GARS1: variants seen among roughly 807,000 people sequenced by gnomAD.
GARS1 encodes glycyl-tRNA synthetase 1, also known as glycine--tRNA ligase.
A neutral mutation model predicts 86.4 loss-of-function variants in GARS1; 46 were observed. That is an observed-to-expected ratio of 0.53 (90% CI 0.42 to 0.68). GARS1 has a LOEUF of 0.68. Among genes scored for constraint, GARS1 ranks in the 30% least tolerant of loss-of-function variants. The pLI is 0.00. For missense variants in GARS1, 797 were observed against 915.6 expected (o/e 0.87, Z 1.67); for synonymous variants, 342 against 329.8 (o/e 1.04, Z -0.40).
chr7:30,617,875 A>G (rs1038447232), intron 10 of GARS1, among the ~76,000 whole-genome samples: 2 of 152,198 alleles, frequency 1.3e-5, no homozygotes, highest in Admixed American at 6.5e-5. Context: ...GCATTTGCAT[A>G]TAGGAGATGC....
In GARS1 at chr7:30,632,455, T is replaced by G. The variant is rs1238144409; in HGVS notation, c.2094+18T>G. On this transcript the variant is annotated intron_variant, in intron 16 of 16. Transcript: ENST00000389266. This position sits in a 1 kb window ranked among gnomAD's most constrained non-coding sequence, Gnocchi z 4.1. The stretch of plus-strand genomic sequence containing the variant: ...GAGCAGAGGTATCTGGCCTTCTCTT[T>G]GGCATTTTTAGCCTTAGAAATGTGT... 6.2e-7 allele frequency: 1 copy of G among 1,613,738 alleles called. No individual in the cohort carries two copies. Among genetic ancestry groups the G allele is most frequent in the Admixed American group, 1.7e-5 (1 of 60,016 alleles).
chr7:30,630,042 A>G (rs1783205351), intron 14 of GARS1, among the ~76,000 whole-genome samples: 1 of 152,240 alleles, frequency 6.6e-6, no homozygotes, highest in Non-Finnish European at 1.5e-5. Flanking sequence ...AATTCCCATC[A>G]TGAAGAGAAA....
intron 13 of GARS1, among the ~76,000 whole-genome samples, chr7:30,626,634 A>G (rs1329911192): frequency 6.6e-6 from 1 of 152,238 alleles, no homozygotes; most frequent in African/African-American, 2.4e-5. Context: ...TACAGGCATG[A>G]GTGACCACGC....
intron 6 of GARS1, among the ~76,000 whole-genome samples, chr7:30,604,586 CCTT>C (rs1024905231): frequency 9.1e-4 from 139 of 152,192 alleles, no homozygotes; most frequent in African/African-American, 3.1e-3. Context: ...AATAATTTCT[CCTT>C]CTTCATTTAC....
At chr7:30,600,201 T>A in intron 3 of GARS1, 152 bp downstream of exon 3, 1 of 667,018 alleles carries the variant, frequency 1.5e-6, no homozygotes, top group Non-Finnish European at 2.7e-6. Context: ...GGAGTCACCA[T>A]TTGGTGTGAT....
chr7:30,595,001 G>C lies in GARS1; in HGVS notation c.80G>C (p.Arg27Pro). Reference protein sequence around the residue: ...LLLLPPRLLARPSLLLRRSLS... With the variant: ...LLLLPPRLLAPPSLLLRRSLS... ...CTGCTGCCGCCCCGGCTCTTAGCCC[G>C]ACCCTCGCTCCTGCTCCGCCGGTCC... Residue 27 changes from arginine to proline, a missense_variant, in exon 1 of 17, where the codon CGA becomes CCA. Physicochemically the swap from Arg to Pro is moderately radical, Grantham distance 103 (BLOSUM62 -2). Around this residue, in one of 2 missense-constraint regions of GARS1, gnomAD observed 199 missense variants for 176.9 expected, o/e 1.12. Transcript: ENST00000389266. The C allele has an allele frequency of 6.3e-7, 1 of 1,589,090 alleles. No homozygotes were observed. Among genetic ancestry groups the C allele is most frequent in the East Asian group, 2.3e-5 (1 of 44,338 alleles).
At chr7:30,622,914 C>A (rs1369304573) in intron 12 of GARS1, among the ~76,000 whole-genome samples, 1 of 151,970 alleles carries the variant, frequency 6.6e-6, no homozygotes, top group African/African-American at 2.4e-5. Flanking sequence ...TCCTGGCTAA[C>A]ACAGTGAAAC....
chr7:30,626,810 G>A (rs576564348), intron 13 of GARS1, among the ~76,000 whole-genome samples: 6 of 152,154 alleles, frequency 3.9e-5, no homozygotes, highest in Admixed American at 2.6e-4. Context: ...GTGAAACCCC[G>A]TCTCTACTAA....
At chr7:30,602,728 A>G (rs1791406481) in intron 4 of GARS1, among the ~76,000 whole-genome samples, 1 of 152,260 alleles carries the variant, frequency 6.6e-6, no homozygotes, top group Non-Finnish European at 1.5e-5. Context: ...TGGCATAGGC[A>G]TGGATTAATT....
chr7:30,609,497 A>C (rs913094165), intron 6 of GARS1, 88 bp from the exon 7 acceptor site: 1 of 1,072,262 alleles, frequency 9.3e-7, no homozygotes, highest in East Asian at 2.4e-5. Context: ...TGATTGTAGC[A>C]GTGGATGGCT....
rs746983441 is a variant in GARS1 at position 30,603,531 on chromosome 7, T to G, written c.694T>G (p.Ser232Ala). 1.2e-6 allele frequency: 2 copies of G among 1,613,846 alleles called. No individual in the cohort carries two copies. The highest frequency in any genetic ancestry group is 1.7e-6 in the Non-Finnish European group (2 of 1,179,982). Residue 232 changes from serine to alanine, a missense_variant, in exon 6 of 17, where the codon TCT becomes GCT. Ser to Ala is a moderately conservative substitution (Grantham distance 99). Transcript: ENST00000389266. The part of the protein sequence containing the change: ...LQKLMSDKKC[S>A]VEKKSEMESV... ...GAAATTGATGTCTGATAAGAAGTGT[T>G]CTGTCGAAAAGAAATCAGAAATGGA... is the stretch of plus-strand genomic sequence containing the variant.
chr7:30,606,756 G>A (rs11761080), intron 6 of GARS1, among the ~76,000 whole-genome samples: 74,041 of 151,996 alleles, frequency 0.49, 21,544 homozygotes, highest in Non-Finnish European at 0.65. Context: ...CTGGTACTTG[G>A]TACTTATTAG....
intron 6 of GARS1, among the ~76,000 whole-genome samples, chr7:30,604,519 A>AT (rs3840588): frequency 0.1 from 15,394 of 149,894 alleles, 862 homozygotes; most frequent in South Asian, 0.2. Context: ...TGTTGTCCTA[A>AT]TTTTTTTTTT....
rs117100393 is a variant in GARS1, at chr7:30,631,249, G to A, written c.1810-199G>A. On this transcript the variant is annotated intron_variant, in intron 14 of 16. Coordinates refer to ENST00000389266, the MANE Select transcript of GARS1 (RefSeq NM_002047.4). ...AGAGTTCATGACTTGGCCTAAATTC[G>A]GAGCTGAAACCAGGTGTTTCTGATG... 1.6e-3 allele frequency: 743 copies of A among 472,784 alleles called. 1 individual carries two copies. Among genetic ancestry groups the A allele is most frequent in the Non-Finnish European group, 1.5e-3 (380 of 257,966 alleles). 29.3% of individuals were successfully genotyped at this position (472,784 alleles called of 1,614,324 possible).
intron 13 of GARS1, chr7:30,626,959 C>T (rs540595382): frequency 6.3e-5 from 24 of 379,134 alleles, no homozygotes; most frequent in African/African-American, 2.9e-4. Flanking sequence ...CCAGCCTGGG[C>T]GACAGTGCAA....
Position 30,626,163 on chromosome 7 carries a change from C to T in GARS1, c.1614-71C>T, listed in dbSNP as rs1783122833. The T allele has an allele frequency of 8.9e-6, 8 of 902,642 alleles. No homozygotes were observed. In the South Asian group the frequency reaches 1.1e-4, roughly 13 times the overall value. The allele number at this position is 902,642 out of a possible 1,614,324, so 55.9% of individuals were successfully genotyped here. ...AAAGAAAAAACAACTTAGCAATCTA[C>T]AAAATTCCTTTAAATTAAGGCACAG... On this transcript the variant is annotated intron_variant, in intron 12 of 16. Coordinates refer to ENST00000389266, the MANE Select transcript of GARS1 (RefSeq NM_002047.4).
intron 1 of GARS1, chr7:30,595,916 C>A: frequency 2.1e-6 from 1 of 471,044 alleles, no homozygotes; most frequent in Non-Finnish European, 4.4e-6. Context: ...AATATTTTGA[C>A]ATTTGATTTT....
chr7:30,606,044 C>T (rs1791477702), intron 6 of GARS1, among the ~76,000 whole-genome samples: 1 of 152,040 alleles, frequency 6.6e-6, no homozygotes, highest in African/African-American at 2.4e-5. Context: ...GTCATTTGTT[C>T]CTTACTGTTT....
intron 10 of GARS1, among the ~76,000 whole-genome samples, chr7:30,619,776 CTTTTTTT>C (rs61613428): frequency 0.028 from 3,502 of 124,272 alleles, 45 homozygotes; most frequent in Non-Finnish European, 0.041. Context: ...TTCTTTTTTT[CTTTTTTT>C]TTTTTTTTTT....
Sources: allele counts gnomAD v4.1 joint callset (sites outside exome capture counted in the v4.1 genomes callset), GRCh38; gene constraint gnomAD v4.1.1; regional missense constraint gnomAD v4.1.1; non-coding constraint Gnocchi (gnomAD v3.1); transcripts MANE v1.5; gene names NCBI Gene and HGNC (gene_info 2026-07-23, HGNC 2026-07-21).